USP54: variants seen among roughly 807,000 people sequenced by gnomAD.
USP54 encodes the protein ubiquitin specific peptidase 54, also known as ubiquitin carboxyl-terminal hydrolase 54.
A neutral mutation model predicts 170.5 loss-of-function variants in USP54; 87 were observed. The ratio of observed to expected loss-of-function variants is 0.51; its 90% CI spans 0.43 to 0.61. The LOEUF is 0.61. Among genes scored for constraint, USP54 ranks in the 20% least tolerant of loss-of-function variants. The pLI, the probability that USP54 is intolerant of heterozygous loss-of-function variation, is 0.00. For synonymous variants in USP54, 655 were observed against 742.8 expected (o/e 0.88, Z 1.92); for missense variants, 1,786 against 2,047.8 (o/e 0.87, Z 2.47).
chr10:73,621,764 A>G lies in USP54; in HGVS notation c.-18+3803T>C, dbSNP rs916893872. 9.2e-5 allele frequency among the ~76,000 whole-genome samples: 14 copies of G among 152,186 alleles called. No individual in the cohort carries two copies. The East Asian group carries it at 1.5e-3, about 17-fold the overall frequency. Reference sequence around the variant, plus strand: ...AAATATATAATTGCTTGCTACAACTATTTTCCCAAGCATAGCTCCCTATAC... The same window carrying G: ...AAATATATAATTGCTTGCTACAACTGTTTTCCCAAGCATAGCTCCCTATAC... On this transcript the variant is annotated intron_variant, in intron 1 of 22. Coordinates refer to the USP54 transcript ENST00000339859.
At chr10:73,553,027 C>A (rs1050905560) in intron 4 of USP54, among the ~76,000 whole-genome samples, 1 of 152,072 alleles carries the variant, frequency 6.6e-6, no homozygotes, top group Non-Finnish European at 1.5e-5. Context: ...AGTTTTTTCT[C>A]TTCTCCATTC....
chr10:73,504,523 T>C (rs2058743212), intron 22 of USP54: 2 of 263,130 alleles, frequency 7.6e-6, no homozygotes, highest in Non-Finnish European at 1.5e-5. Context: ...TTTCTTTCCT[T>C]CTTTCTTTGA....
intron 4 of USP54, among the ~76,000 whole-genome samples, chr10:73,559,238 C>T (rs549256253): frequency 1.3e-4 from 19 of 151,740 alleles, no homozygotes; most frequent in African/African-American, 3.4e-4. Flanking sequence ...CCGGCCAACA[C>T]GGTGAAACCC....
chr10:73,620,393 T>C (rs927491968), intron 1 of USP54, among the ~76,000 whole-genome samples: 1 of 150,148 alleles, frequency 6.7e-6, no homozygotes, highest in African/African-American at 2.5e-5. Flanking sequence ...AATGGACTGG[T>C]TGACCGCTAA....
At chr10:73,586,756 A>C (rs1469257374) in intron 1 of USP54, among the ~76,000 whole-genome samples, 1 of 152,234 alleles carries the variant, frequency 6.6e-6, no homozygotes, top group Non-Finnish European at 1.5e-5. Context: ...GAAAGAGATA[A>C]GCATCTACAA....
At chr10:73,583,561 C>T (rs2077132148) in intron 1 of USP54, among the ~76,000 whole-genome samples, 1 of 152,164 alleles carries the variant, frequency 6.6e-6, no homozygotes, top group African/African-American at 2.4e-5. Flanking sequence ...GCTGGGATTA[C>T]AGGCGTGAGC....
At chr10:73,563,459 T>C (rs748092400) in intron 4 of USP54, among the ~76,000 whole-genome samples, 16 of 152,242 alleles carry the variant, frequency 1.1e-4, no homozygotes, top group Non-Finnish European at 2.2e-4. Flanking sequence ...CTTATTGATA[T>C]GGAGTTTCGC....
chr10:73,575,571 T>C lies in USP54; in HGVS notation c.88A>G (p.Ser30Gly). 6.2e-7 allele frequency: 1 copy of C among 1,614,062 alleles called. No homozygotes were observed. Among genetic ancestry groups the C allele is most frequent in the Non-Finnish European group, 8.5e-7 (1 of 1,179,980 alleles). ...APRSSTSIAP[S>G]KGLSNEPGQN... Reference sequence around the variant, plus strand: ...CCTGGCTCATTGCTGAGGCCTTTGCTGGGGGCTATGGAGGTTGAGCTTCGA... The same window carrying C: ...CCTGGCTCATTGCTGAGGCCTTTGCCGGGGGCTATGGAGGTTGAGCTTCGA... Residue 30 changes from serine to glycine, a missense_variant, in exon 3 of 24, where the codon AGC becomes GGC. Physicochemically the swap from Ser to Gly is moderately conservative, Grantham distance 56 (BLOSUM62 0). This residue lies in a region of USP54 where 361 missense variants were observed against 455.0 expected (regional missense o/e 0.79). Coordinates refer to ENST00000687698, the MANE Select transcript of USP54 (RefSeq NM_001391956.1).
intron 7 of USP54, among the ~76,000 whole-genome samples, chr10:73,542,536 C>T (rs928858214): frequency 6.6e-5 from 10 of 152,072 alleles, no homozygotes; most frequent in Non-Finnish European, 1.5e-4. Context: ...CCAGCCTGAC[C>T]AACATGATGA....
chr10:73,564,250 C>A (rs2133737490), intron 4 of USP54, among the ~76,000 whole-genome samples: 1 of 152,302 alleles, frequency 6.6e-6, no homozygotes, highest in South Asian at 2.1e-4. Flanking sequence ...ATCCTCCCAC[C>A]TTGGCCTCCC....
chr10:73,617,781 A>C (rs543053842), intron 1 of USP54, among the ~76,000 whole-genome samples: 1 of 150,318 alleles, frequency 6.7e-6, no homozygotes, highest in Non-Finnish European at 1.5e-5. Flanking sequence ...ATGGTGGTGC[A>C]CATCTGTAGT....
At chr10:73,595,659 A>G (rs1391639561), upstream of USP54, among the ~76,000 whole-genome samples, 3 of 152,196 alleles carry the variant, frequency 2.0e-5, no homozygotes, top group East Asian at 3.8e-4. Context: ...TCTAAAAAGT[A>G]TATCAAATAG....
intron 1 of USP54, among the ~76,000 whole-genome samples, chr10:73,600,621 T>C (rs1184718948): frequency 2.0e-5 from 3 of 152,112 alleles, no homozygotes; most frequent in Non-Finnish European, 2.9e-5. Context: ...GTCAAAAAAC[T>C]ACCTATCAGG....
rs1178463331 is a variant in USP54, at chr10:73,517,090, T to C, written c.3336A>G (p.Arg1112=). 2 of 1,614,106 alleles carry C rather than the reference T, an allele frequency of 1.2e-6. No individual in the cohort carries two copies. Among genetic ancestry groups the C allele is most frequent in the Admixed American group, 3.3e-5 (2 of 60,010 alleles). Residue 1112 remains arginine, a synonymous_variant, in exon 20 of 24, where the codon AGA becomes AGG. Transcript: ENST00000687698. The part of the protein sequence containing the change: ...LKTSLTLKVD[R]GSEETYRPEF... ...CTGGCCTATAGGTCTCCTCACTGCCTCTGTCCACTTTTAAAGTCAATGAAG... is the reference window on the plus strand; with the variant it reads ...CTGGCCTATAGGTCTCCTCACTGCCCCTGTCCACTTTTAAAGTCAATGAAG...
chr10:73,575,826 G>A lies in USP54; in HGVS notation c.-46C>T. 1 of 726,920 alleles carries A rather than the reference G, an allele frequency of 1.4e-6. No individual in the cohort carries two copies. Among genetic ancestry groups the A allele is most frequent in the East Asian group, 2.9e-5 (1 of 33,966 alleles). 45.0% of individuals were successfully genotyped at this position (726,920 alleles called of 1,614,324 possible). On this transcript the variant is annotated 5_prime_UTR_variant, in exon 2 of 24. Transcript: ENST00000687698. ...CCAAATATCATCTGTGTAGTCAAGGGACTCAGGTATCCTCCTAGATCAAGA... is the reference window on the plus strand; with the variant it reads ...CCAAATATCATCTGTGTAGTCAAGGAACTCAGGTATCCTCCTAGATCAAGA...
intron 4 of USP54, among the ~76,000 whole-genome samples, chr10:73,569,385 TAAGAA>T (rs2074544959): frequency 6.6e-6 from 1 of 152,194 alleles, no homozygotes; most frequent in Non-Finnish European, 1.5e-5. Context: ...ATGGGCACAG[TAAGAA>T]ATGTTATATT....
At chr10:73,540,476 A>G (rs535677548) in intron 9 of USP54, among the ~76,000 whole-genome samples, 1 of 152,134 alleles carries the variant, frequency 6.6e-6, no homozygotes, top group South Asian at 2.1e-4. Context: ...AGGCTGAGGC[A>G]GGAGAATGGC....
intron 1 of USP54, among the ~76,000 whole-genome samples, chr10:73,582,512 C>G (rs2077014949): frequency 6.6e-6 from 1 of 152,128 alleles, no homozygotes; most frequent in South Asian, 2.1e-4. Flanking sequence ...CTACCTCAGC[C>G]TCCCGAGTAG....
intron 4 of USP54, among the ~76,000 whole-genome samples, chr10:73,554,489 G>A (rs2070457282): frequency 1.3e-5 from 2 of 152,208 alleles, no homozygotes; most frequent in Non-Finnish European, 2.9e-5. Flanking sequence ...CTGGAAAAGA[G>A]ACGTTCACTT....
Sources: allele counts gnomAD v4.1 joint callset (sites outside exome capture counted in the v4.1 genomes callset), GRCh38; gene constraint gnomAD v4.1.1; regional missense constraint gnomAD v4.1.1; transcripts MANE v1.5; gene names NCBI Gene and HGNC (gene_info 2026-07-23, HGNC 2026-07-21).